The following DSCAM variants were observed in gnomAD, a reference collection of about 807,000 sequenced individuals.
The protein encoded by DSCAM is DS cell adhesion molecule, also known as cell adhesion molecule DSCAM.
DSCAM carries 47 observed loss-of-function variants against 217.7 expected under a neutral mutation model. The observed-to-expected ratio is 0.22, with a 90% CI of 0.17 to 0.28. The LOEUF (loss-of-function observed/expected upper bound fraction) is 0.28. Among genes scored for constraint, DSCAM ranks in the 10% least tolerant of loss-of-function variants. The pLI is 1.00. For synonymous variants in DSCAM, 1,056 were observed against 1,015.3 expected (o/e 1.04, Z -0.76); for missense variants, 2,080 against 2,618.3 (o/e 0.79, Z 4.49).
intron 11 of DSCAM, among the ~76,000 whole-genome samples, chr21:40,209,000 C>G (rs541047742): frequency 3.6e-4 from 55 of 152,304 alleles, no homozygotes; most frequent in Middle Eastern, 3.4e-3. Context: ...AAGAGCAAGA[C>G]AGCTGACAGC....
At chr21:40,461,712 G>A (rs1025457636) in intron 3 of DSCAM, among the ~76,000 whole-genome samples, 1 of 152,190 alleles carries the variant, frequency 6.6e-6, no homozygotes, top group African/African-American at 2.4e-5. Context: ...GATTATCCAC[G>A]TGGGTCCAAG....
chr21:40,709,999 C>T (rs757216961), intron 1 of DSCAM, among the ~76,000 whole-genome samples: 28 of 152,196 alleles, frequency 1.8e-4, no homozygotes, highest in Non-Finnish European at 2.8e-4. Flanking sequence ...TCTCCAGCAT[C>T]TGTTGTTTCC....
At chr21:40,709,513 C>T (rs959761740) in intron 1 of DSCAM, among the ~76,000 whole-genome samples, 15 of 152,222 alleles carry the variant, frequency 9.9e-5, no homozygotes, top group Admixed American at 4.6e-4. Context: ...CAACAGGCCC[C>T]GGTGTGTGAT....
intron 1 of DSCAM, among the ~76,000 whole-genome samples, chr21:40,734,938 T>A (rs2091048617): frequency 6.6e-6 from 1 of 152,234 alleles, no homozygotes; most frequent in Admixed American, 6.5e-5. Flanking sequence ...GTAGACAAAG[T>A]AAGAAGAGAA....
At chr21:40,459,104 A>G (rs2075785875) in intron 3 of DSCAM, among the ~76,000 whole-genome samples, 1 of 152,172 alleles carries the variant, frequency 6.6e-6, no homozygotes, top group South Asian at 2.1e-4. Context: ...ACAAAAAAGC[A>G]AAAGGAACAA....
chr21:40,547,137 A>G, intron 3 of DSCAM, among the ~76,000 whole-genome samples: 1 of 152,172 alleles, frequency 6.6e-6, no homozygotes, highest in East Asian at 1.9e-4. Flanking sequence ...CCTGGGGAAG[A>G]CAGCCCAGAG....
chr21:40,687,480 A>G (rs1213779380), intron 3 of DSCAM, among the ~76,000 whole-genome samples: 4 of 152,170 alleles, frequency 2.6e-5, no homozygotes, highest in Non-Finnish European at 5.9e-5. Flanking sequence ...GTTAACTTCT[A>G]TAGTCAAGAG....
intron 15 of DSCAM, among the ~76,000 whole-genome samples, chr21:40,173,515 C>T (rs897506901): frequency 5.3e-5 from 8 of 152,140 alleles, no homozygotes; most frequent in Middle Eastern, 3.2e-3. Flanking sequence ...AGGCAGATCG[C>T]TGAGGGCCTG....
intron 3 of DSCAM, among the ~76,000 whole-genome samples, chr21:40,626,877 C>T (rs990217529): frequency 6.6e-6 from 1 of 152,198 alleles, no homozygotes; most frequent in Non-Finnish European, 1.5e-5. Context: ...GGGGTCAAAA[C>T]AAGTAGTACA....
At chr21:40,624,722 A>G (rs10460680) in intron 3 of DSCAM, among the ~76,000 whole-genome samples, 11,342 of 152,274 alleles carry the variant, frequency 0.074, 938 homozygotes, top group African/African-American at 0.2. Flanking sequence ...GAAAAAAGAA[A>G]TATTAGATTA....
At chr21:40,273,607 G>A (rs547292490) in intron 11 of DSCAM, among the ~76,000 whole-genome samples, 53 of 152,266 alleles carry the variant, frequency 3.5e-4, no homozygotes, top group African/African-American at 1.2e-3. Context: ...CTTTAAGACC[G>A]AACTCAGATG....
In DSCAM at chr21:40,767,492, C is replaced by T. The variant is rs141644150; in HGVS notation, c.44-58721G>A. On this transcript the variant is annotated intron_variant, in intron 1 of 32. Transcript: ENST00000400454. Reference sequence around the variant, plus strand: ...GCCTGATGCCCATTTTCTTTTTTAGCGTGAGAAAGTTGACCTTTAGGATGA... The same window carrying T: ...GCCTGATGCCCATTTTCTTTTTTAGTGTGAGAAAGTTGACCTTTAGGATGA... Among the ~76,000 whole-genome samples the T allele has an allele frequency of 1.2e-4, 19 of 152,216 alleles. No homozygotes were observed. The East Asian group carries it at 3.5e-3, about 28-fold the overall frequency.
chr21:40,729,909 T>C (rs1180423243), intron 1 of DSCAM, among the ~76,000 whole-genome samples: 1 of 152,178 alleles, frequency 6.6e-6, no homozygotes, highest in Non-Finnish European at 1.5e-5. Context: ...TTTTGACAGT[T>C]TGCCTATCAC....
intron 11 of DSCAM, among the ~76,000 whole-genome samples, chr21:40,249,237 T>C (rs1456234649): frequency 6.6e-6 from 1 of 152,200 alleles, no homozygotes; most frequent in Non-Finnish European, 1.5e-5. Context: ...CCAAATCTCA[T>C]CTTGAATTGT....
chr21:40,722,858 A>G (rs904711162), intron 1 of DSCAM, among the ~76,000 whole-genome samples: 1 of 152,138 alleles, frequency 6.6e-6, no homozygotes, highest in African/African-American at 2.4e-5. Flanking sequence ...TACTCTAAAG[A>G]AAGTGGGAGT....
intron 3 of DSCAM, among the ~76,000 whole-genome samples, chr21:40,481,736 AATG>A (rs1601677711): frequency 6.6e-6 from 1 of 152,136 alleles, no homozygotes; most frequent in Non-Finnish European, 1.5e-5. Context: ...GGAAACAACA[AATG>A]ATGAGACTAA....
At chr21:40,683,461 A>G (rs556030140) in intron 3 of DSCAM, among the ~76,000 whole-genome samples, 22 of 152,142 alleles carry the variant, frequency 1.4e-4, no homozygotes, top group Non-Finnish European at 2.4e-4. Context: ...AGGAAGGAAG[A>G]AAGTAAAGAC....
intron 15 of DSCAM, among the ~76,000 whole-genome samples, chr21:40,170,899 C>T (rs1457624924): frequency 1.3e-5 from 2 of 152,150 alleles, no homozygotes; most frequent in Admixed American, 1.3e-4. Context: ...TGGTGTGGTC[C>T]TCTCAGGAAG....
intron 2 of DSCAM, among the ~76,000 whole-genome samples, chr21:40,695,544 G>A (rs1437071216): frequency 2.0e-5 from 3 of 152,156 alleles, no homozygotes; most frequent in Non-Finnish European, 2.9e-5. Context: ...ACAGCACTGT[G>A]GTGATCTGAA....
Sources: allele counts gnomAD v4.1 joint callset (sites outside exome capture counted in the v4.1 genomes callset), GRCh38; gene constraint gnomAD v4.1.1; transcripts MANE v1.5; gene names NCBI Gene and HGNC (gene_info 2026-07-23, HGNC 2026-07-21).